BAZ2B: variants seen among roughly 807,000 people sequenced by gnomAD.
BAZ2B encodes bromodomain adjacent to zinc finger domain protein 2B.
Under a neutral mutation model 246.0 loss-of-function variants are expected in BAZ2B, and 91 were observed. The observed-to-expected ratio is 0.37, with a 90% CI of 0.31 to 0.44. The LOEUF is 0.44. Among genes scored for constraint, BAZ2B ranks in the 20% least tolerant of loss-of-function variants. The pLI, the probability that BAZ2B is intolerant of heterozygous loss-of-function variation, is 1.00. For missense variants in BAZ2B, 2,332 were observed against 2,533.7 expected (o/e 0.92, Z 1.71); for synonymous variants, 855 against 860.0 (o/e 0.99, Z 0.10).
the BAZ2B span, chr2:159,711,934 T>C: frequency 3.9e-5 from 6 of 152,046 alleles, no homozygotes; most frequent in Non-Finnish European, 7.4e-5. Context: ...AAGGAAATGA[T>C]CACAAGGTTG....
rs113919040 is a variant in BAZ2B at position 159,373,085 on chromosome 2, T to G, written c.4173A>C (p.Gln1391His). 7.4e-6 allele frequency: 12 copies of G among 1,613,978 alleles called. No homozygotes were observed. Among genetic ancestry groups the G allele is most frequent in the South Asian group, 1.1e-5 (1 of 91,084 alleles). The change falls in exon 27 of 37, where the codon CAA becomes CAC. Residue 1391 changes from glutamine to histidine, a missense_variant. Physicochemically the swap from Gln to His is conservative, Grantham distance 24. This residue lies in a region of BAZ2B where 676 missense variants were observed against 668.6 expected (regional missense o/e 1.01). Coordinates refer to ENST00000392783, the MANE Select transcript of BAZ2B (RefSeq NM_013450.4). Reference protein sequence around the residue: ...RYRRRYWILPQCGGIFVEGME... With the variant: ...RYRRRYWILPHCGGIFVEGME... ...TGCCTTCTACAAAAATCCCCCCACA[T>G]TGGGGAAGAATCCAGTACCGGCGTC...
At chr2:159,495,338 A>G (rs1233873983) in intron 2 of BAZ2B, among the ~76,000 whole-genome samples, 2 of 149,878 alleles carry the variant, frequency 1.3e-5, no homozygotes, top group Non-Finnish European at 3.0e-5. Flanking sequence ...ACAAAAAATT[A>G]GCCGGGCGTA....
At chr2:159,358,925 C>T (rs908822444) in intron 27 of BAZ2B, among the ~76,000 whole-genome samples, 8 of 152,108 alleles carry the variant, frequency 5.3e-5, no homozygotes, top group African/African-American at 1.9e-4. Context: ...AGAACAAAGA[C>T]ACAACGTACC....
chr2:159,709,538 T>C, the BAZ2B span, among the ~76,000 whole-genome samples: 1 of 152,230 alleles, frequency 6.6e-6, no homozygotes, highest in African/African-American at 2.4e-5. Context: ...ACATTCTATG[T>C]ATGTAACAAA....
intron 1 of BAZ2B, among the ~76,000 whole-genome samples, chr2:159,560,148 C>T (rs1247801864): frequency 6.6e-6 from 1 of 152,164 alleles, no homozygotes; most frequent in East Asian, 1.9e-4. Flanking sequence ...CTTGACTATA[C>T]TACATACCTA....
Position 159,611,080 on chromosome 2 carries a change from C to T in BAZ2B, c.-46+5162G>A, listed in dbSNP as rs1694627087. Reference sequence around the variant, plus strand: ...TAAATATATTTATTACCCATAATTTCATACTTAATACGGTCAACAGAAAAA... The same window carrying T: ...TAAATATATTTATTACCCATAATTTTATACTTAATACGGTCAACAGAAAAA... On this transcript the variant is annotated intron_variant, in intron 1 of 36. Transcript: ENST00000392783. Among the ~76,000 whole-genome samples the T allele has an allele frequency of 2.6e-5, 4 of 151,964 alleles. No individual in the cohort carries two copies. In the South Asian group the frequency reaches 8.3e-4, roughly 32 times the overall value.
At chr2:159,561,768 C>T (rs2089903458) in intron 1 of BAZ2B, among the ~76,000 whole-genome samples, 1 of 152,148 alleles carries the variant, frequency 6.6e-6, no homozygotes, top group Admixed American at 6.5e-5. Context: ...AAGAAAACCT[C>T]AATTCTATTT....
intron 1 of BAZ2B, among the ~76,000 whole-genome samples, chr2:159,569,956 T>C (rs1683552660): frequency 6.6e-6 from 1 of 152,172 alleles, no homozygotes; most frequent in South Asian, 2.1e-4. Flanking sequence ...AAAAAATCCA[T>C]GATGAAATAA....
At chr2:159,574,436 A>G (rs557629741) in intron 1 of BAZ2B, among the ~76,000 whole-genome samples, 1 of 152,272 alleles carries the variant, frequency 6.6e-6, no homozygotes, top group African/African-American at 2.4e-5. Context: ...GGATTGCAAA[A>G]CATTGCAGCC....
chr2:159,406,302 G>A (rs917339624), intron 14 of BAZ2B, among the ~76,000 whole-genome samples: 1 of 152,168 alleles, frequency 6.6e-6, no homozygotes, highest in Non-Finnish European at 1.5e-5. Flanking sequence ...AGGCTATTGG[G>A]AGATTGGGAC....
At chr2:159,616,091 G>C (rs1477721885) in intron 1 of BAZ2B, 151 bp downstream of exon 1, 1 of 152,134 alleles carries the variant, frequency 6.6e-6, no homozygotes, top group Non-Finnish European at 1.5e-5. Context: ...CGGAGGGCGA[G>C]AGGGCGGCGG....
At chr2:159,620,346 A>G (rs1696379986), upstream of BAZ2B, among the ~76,000 whole-genome samples, 1 of 152,232 alleles carries the variant, frequency 6.6e-6, no homozygotes, top group Non-Finnish European at 1.5e-5. Context: ...CATTCATTGA[A>G]CAAACATTTG....
chr2:159,712,285 A>G, the BAZ2B span: 1 of 152,146 alleles, frequency 6.6e-6, no homozygotes, highest in Non-Finnish European at 1.5e-5. Context: ...AGCTGCCGGC[A>G]CGCCGGCCAG....
At chr2:159,486,502 T>TA (rs1351776084) in intron 2 of BAZ2B, among the ~76,000 whole-genome samples, 1 of 151,658 alleles carries the variant, frequency 6.6e-6, no homozygotes, top group Non-Finnish European at 1.5e-5. Context: ...TGCAGAACCA[T>TA]ATAACAGGAA....
intron 1 of BAZ2B, among the ~76,000 whole-genome samples, chr2:159,565,692 G>A (rs548352054): frequency 1.5e-4 from 22 of 150,726 alleles, no homozygotes; most frequent in African/African-American, 2.7e-4. Context: ...CAAGAGAATC[G>A]CTTGAATCCG....
chr2:159,550,608 A>G (rs536962438), intron 2 of BAZ2B, among the ~76,000 whole-genome samples: 44 of 152,242 alleles, frequency 2.9e-4, no homozygotes, highest in African/African-American at 1.0e-3. Context: ...GGGGAAAACC[A>G]GTATTAGGGA....
chr2:159,647,536 T>C, the BAZ2B span, among the ~76,000 whole-genome samples: 1 of 152,198 alleles, frequency 6.6e-6, no homozygotes, highest in South Asian at 2.1e-4. Flanking sequence ...ACACTCAGAA[T>C]AATGACTGAC....
At chr2:159,499,659 T>C (rs1417065684) in intron 2 of BAZ2B, among the ~76,000 whole-genome samples, 1 of 152,206 alleles carries the variant, frequency 6.6e-6, no homozygotes, top group Non-Finnish European at 1.5e-5. Flanking sequence ...AGCATTCCTT[T>C]TCCCCTGCAA....
chr2:159,669,380 A>G, the BAZ2B span, among the ~76,000 whole-genome samples: 1 of 152,216 alleles, frequency 6.6e-6, no homozygotes, highest in Admixed American at 6.5e-5. Flanking sequence ...TTGAGAATAC[A>G]CTATGTGAAC....
Sources: gnomAD v4.1 joint callset for allele counts (sites outside exome capture counted in the v4.1 genomes callset) on GRCh38, gnomAD v4.1.1 for gene constraint, gnomAD v4.1.1 regional missense constraint, MANE v1.5 for transcripts, NCBI Gene and HGNC (gene_info 2026-07-23, HGNC 2026-07-21) for gene names.